The following IL17RA variants were observed in gnomAD, a reference collection of about 807,000 sequenced individuals.
The protein encoded by IL17RA is interleukin 17 receptor A.
In IL17RA, 34 loss-of-function variants were observed where a neutral mutation model predicts 50.4. The observed-to-expected ratio is 0.67, with a 90% confidence interval of 0.51 to 0.90. The LOEUF (loss-of-function observed/expected upper bound fraction) is 0.90. Among genes scored for constraint, IL17RA ranks in the 40% least tolerant of loss-of-function variants. IL17RA has a pLI of 0.00. For synonymous variants in IL17RA, 585 were observed against 510.4 expected (o/e 1.15, Z -1.97); for missense variants, 1,276 against 1,169.8 (o/e 1.09, Z -1.32).
chr22:17,088,309 C>CTTATTTAT (rs567630756), intron 1 of IL17RA, among the ~76,000 whole-genome samples: 365 of 152,022 alleles, frequency 2.4e-3, no homozygotes, highest in African/African-American at 4.8e-3. Context: ...GGAGGTATCC[C>CTTATTTAT]TTATTTATTT....
chr22:17,109,725 C>T lies in IL17RA; in HGVS notation c.2506C>T (p.Leu836=). The T allele has an allele frequency of 6.3e-7, 1 of 1,578,430 alleles. No homozygotes were observed. The highest frequency in any genetic ancestry group is 2.3e-5 in the East Asian group (1 of 43,422). Residue 836 remains leucine, a synonymous_variant, in exon 13 of 13, where the codon CTG becomes TTG. Transcript: ENST00000319363. ...ACTCTCTCCCGAGGACCTGGAGAGC[C>T]TGAGGAGCCTCCAGCGGCAGCTGCT... ...LPLSPEDLES[L]RSLQRQLLFR... is the part of the protein sequence containing the mutation.
chr22:17,100,532 G>A (rs1304593514), intron 5 of IL17RA, 51 bp downstream of exon 5: 1 of 1,607,466 alleles, frequency 6.2e-7, no homozygotes, highest in African/African-American at 1.3e-5. Context: ...CTGTGAGAAG[G>A]AAGCACCAGG....
At chr22:17,098,169 T>A (rs954262670) in intron 3 of IL17RA, among the ~76,000 whole-genome samples, 1 of 152,184 alleles carries the variant, frequency 6.6e-6, no homozygotes, top group East Asian at 1.9e-4. Context: ...AGGACTTCCT[T>A]CAACCTAATA....
chr22:17,089,484 C>G (rs914585857), intron 1 of IL17RA, among the ~76,000 whole-genome samples: 1 of 152,160 alleles, frequency 6.6e-6, no homozygotes, highest in African/African-American at 2.4e-5. Flanking sequence ...GCTGCCATCA[C>G]CTTCATTGTC....
intron 5 of IL17RA, 26 bp from the exon 6 acceptor site, chr22:17,101,970 G>A (rs1568920259): frequency 3.1e-6 from 5 of 1,614,154 alleles, no homozygotes; most frequent in Middle Eastern, 1.7e-4. Flanking sequence ...GAGGCTTAAT[G>A]AGTTTCCTTT....
In IL17RA at chr22:17,109,698, C is replaced by T. The variant is rs1454334065; in HGVS notation, c.2479C>T (p.Pro827Ser). The change falls in exon 13 of 13, where the codon CCA becomes TCA. Residue 827 changes from proline to serine, a missense_variant. Coordinates refer to ENST00000319363, the MANE Select transcript of IL17RA (RefSeq NM_014339.7). ...EEQDPGKPAL[P>S]LSPEDLESLR... ...GCAGGACCCAGGGAAGCCGGCCCTGCCACTCTCTCCCGAGGACCTGGAGAG... is the reference window on the plus strand; with the variant it reads ...GCAGGACCCAGGGAAGCCGGCCCTGTCACTCTCTCCCGAGGACCTGGAGAG... The T allele has an allele frequency of 6.3e-7, 1 of 1,593,718 alleles. No homozygotes were observed.
At chr22:17,090,045 C>T (rs552632066) in intron 1 of IL17RA, among the ~76,000 whole-genome samples, 30 of 151,274 alleles carry the variant, frequency 2.0e-4, no homozygotes, top group African/African-American at 7.3e-4. Flanking sequence ...TTCTTAGAGA[C>T]GGAGTCTCGC....
In IL17RA at chr22:17,098,815, G is replaced by A; in HGVS notation, c.351G>A (p.Leu117=). The change falls in exon 4 of 13, where the codon CTG becomes CTA. Residue 117 remains leucine, a synonymous_variant. Coordinates refer to ENST00000319363, the MANE Select transcript of IL17RA (RefSeq NM_014339.7). Reference sequence around the variant, plus strand: ...TCGAGGGTGCAGAGTTATCTGTCCTGCAGCTGAACACCAATGAACGTTTGT... The same window carrying A: ...TCGAGGGTGCAGAGTTATCTGTCCTACAGCTGAACACCAATGAACGTTTGT... The part of the protein sequence containing the change: ...LYLEGAELSV[L]QLNTNERLCV... 2 of 1,614,220 alleles carry A rather than the reference G, an allele frequency of 1.2e-6. No individual in the cohort carries two copies. Among genetic ancestry groups the A allele is most frequent in the Non-Finnish European group, 1.7e-6 (2 of 1,180,044 alleles).
rs35718705 is a variant in IL17RA at position 17,100,141 on chromosome 22, T to TAAAAAAAAAAA, written c.424-204_424-194dup. Among the ~76,000 whole-genome samples, 67 of 121,504 alleles carry TAAAAAAAAAAA rather than the reference T, an allele frequency of 5.5e-4. 2 individuals are homozygous for TAAAAAAAAAAA. Among genetic ancestry groups the TAAAAAAAAAAA allele is most frequent in the Non-Finnish European group, 7.6e-4 (43 of 56,372 alleles). 79.7% of individuals were successfully genotyped at this position (121,504 alleles called of 152,430 possible). A position where few individuals can be genotyped will look rare whatever the true frequency, so the allele number is the denominator to read the frequency against. The stretch of plus-strand genomic sequence containing the variant: ...CTACTGATGAGGCCAGATCCAGGTT[T>TAAAAAAAAAAA]AAAAAAAAAAAAAAAAAAAACAGGC... On this transcript the variant is annotated intron_variant, in intron 4 of 12. Coordinates refer to ENST00000319363, the MANE Select transcript of IL17RA (RefSeq NM_014339.7).
chr22:17,100,502 C>T (rs2061387036), intron 5 of IL17RA, 21 bp downstream of exon 5: 2 of 1,613,346 alleles, frequency 1.2e-6, no homozygotes, highest in Non-Finnish European at 1.7e-6. Flanking sequence ...CCTCCCAAGA[C>T]ATTCCCTCCC....
At chr22:17,103,411 C>T in intron 7 of IL17RA, 83 bp from the exon 8 acceptor site, 1 of 1,109,648 alleles carries the variant, frequency 9.0e-7, no homozygotes, top group Non-Finnish European at 1.4e-6. Flanking sequence ...GACAGCCTCT[C>T]CATGGCAGTG....
At chr22:17,087,107 C>T (rs1398030866) in intron 1 of IL17RA, among the ~76,000 whole-genome samples, 2 of 152,184 alleles carry the variant, frequency 1.3e-5, no homozygotes, top group African/African-American at 4.8e-5. Context: ...AGCTCTTCTC[C>T]AGAGATAGAC....
chr22:17,087,670 G>T (rs2061333127), intron 1 of IL17RA, among the ~76,000 whole-genome samples: 1 of 152,190 alleles, frequency 6.6e-6, no homozygotes, highest in Non-Finnish European at 1.5e-5. Context: ...TTTCCCCACA[G>T]AAATCATTAC....
At chr22:17,085,290 G>A in intron 1 of IL17RA, 61 bp downstream of exon 1, 1 of 1,528,376 alleles carries the variant, frequency 6.5e-7, no homozygotes, top group Non-Finnish European at 8.7e-7. Flanking sequence ...GCAAGGTCGC[G>A]GAGGGCCGGA....
chr22:17,105,692 AC>A (rs1402183682), intron 10 of IL17RA, 90 bp downstream of exon 10: 10 of 1,476,166 alleles, frequency 6.8e-6, no homozygotes, highest in Non-Finnish European at 8.5e-6. Context: ...AGCCAGGCAG[AC>A]AAGGCTGAAC....
At chr22:17,092,752 C>T (rs2061352375) in intron 1 of IL17RA, among the ~76,000 whole-genome samples, 1 of 151,798 alleles carries the variant, frequency 6.6e-6, no homozygotes. Context: ...TAAAAAATAA[C>T]TTCTTCCTTC....
Position 17,108,978 on chromosome 22 carries a change from T to A in IL17RA, c.1759T>A (p.Cys587Ser). Reference protein sequence around the residue: ...WQVRCPDWFECENLYSADDQD... With the variant: ...WQVRCPDWFESENLYSADDQD... Reference sequence around the variant, plus strand: ...GGTCCGCTGTCCCGACTGGTTCGAATGTGAGAACCTCTACTCAGCAGATGA... The same window carrying A: ...GGTCCGCTGTCCCGACTGGTTCGAAAGTGAGAACCTCTACTCAGCAGATGA... Residue 587 changes from cysteine to serine, a missense_variant, in exon 13 of 13, where the codon TGT (cysteine) becomes AGT (serine). Cys to Ser is a moderately radical substitution (Grantham distance 112, BLOSUM62 -1). Coordinates refer to ENST00000319363, the MANE Select transcript of IL17RA (RefSeq NM_014339.7). 1 of 1,604,686 alleles carries A rather than the reference T, an allele frequency of 6.2e-7. No homozygotes were observed. Among genetic ancestry groups the A allele is most frequent in the South Asian group, 1.1e-5 (1 of 90,738 alleles).
rs1245008507 is a variant in IL17RA, at chr22:17,115,600, T to C, written c.*5780T>C. 1.4e-5 allele frequency: 2 copies of C among 141,252 alleles called. No individual in the cohort carries two copies. The highest frequency in any genetic ancestry group is 5.5e-5 in the African/African-American group (2 of 36,654). 8.7% of individuals were successfully genotyped at this position (141,252 alleles called of 1,614,324 possible). On this transcript the variant is annotated 3_prime_UTR_variant, in exon 13 of 13. Transcript: ENST00000319363. ...CCTCTGTGCTAAGAAAAAAAAAAAA[T>C]CACTGTGTGTTTGTTTATTTTGGTG...
chr22:17,105,929 C>T lies in IL17RA; in HGVS notation c.1020C>T (p.Ile340=), dbSNP rs760282656. The T allele has an allele frequency of 6.8e-6, 11 of 1,613,982 alleles. No homozygotes were observed. Among genetic ancestry groups the T allele is most frequent in the Admixed American group, 1.7e-5 (1 of 59,978 alleles). ...ILLVGSVILL[I]VCMTWRLAGP... Reference sequence around the variant, plus strand: ...TGGTGGGCTCCGTCATCCTGCTCATCGTCTGCATGACCTGGAGGCTAGCTG... The same window carrying T: ...TGGTGGGCTCCGTCATCCTGCTCATTGTCTGCATGACCTGGAGGCTAGCTG... Residue 340 remains isoleucine (I), a synonymous_variant, in exon 11 of 13, where the codon ATC becomes ATT. Transcript: ENST00000319363.
Sources: gnomAD v4.1 joint callset for allele counts (sites outside exome capture counted in the v4.1 genomes callset) on GRCh38, gnomAD v4.1.1 for gene constraint, MANE v1.5 for transcripts, NCBI Gene and HGNC (gene_info 2026-07-23, HGNC 2026-07-21) for gene names.